QSER1: variants seen among roughly 807,000 people sequenced by gnomAD.
The protein encoded by QSER1 is glutamine and serine-rich protein 1.
Under a neutral mutation model 158.5 loss-of-function variants are expected in QSER1, and 49 were observed. The observed-to-expected ratio is 0.31, with a 90% CI of 0.25 to 0.39. The LOEUF (loss-of-function observed/expected upper bound fraction) is 0.39. Ranked by LOEUF, QSER1 falls within the 10% of genes least tolerant of loss-of-function variation. The probability of loss-of-function intolerance (pLI) is 1.00; values close to 1 mark genes in which losing one functional copy is unlikely to be tolerated. For missense variants in QSER1, 1,754 were observed against 2,010.3 expected, an observed-to-expected ratio of 0.87 and a Z score of 2.44; for synonymous variants, 650 against 715.5, an observed-to-expected ratio of 0.91 and a Z score of 1.46.
At chr11:32,975,646 GTGTATGATGATCT>G in intron 12 of QSER1, 3 of 1,201,920 alleles carry the variant, frequency 2.5e-6, no homozygotes, top group Non-Finnish European at 3.1e-6. Context: ...TTCTCTCACA[GTGTATGATGATCT>G]TGCTTTAATT....
chr11:32,928,236 T>A, intron 3 of QSER1, 113 bp downstream of exon 3: 1 of 675,406 alleles, frequency 1.5e-6, no homozygotes, highest in Non-Finnish European at 2.5e-6. Context: ...GATTTTCCAC[T>A]GAACTTTAAG....
intron 8 of QSER1, among the ~76,000 whole-genome samples, chr11:32,959,062 A>G (rs1321455695): frequency 6.6e-6 from 1 of 152,246 alleles, no homozygotes; most frequent in Admixed American, 6.5e-5. Context: ...ATACCAGCAC[A>G]CAAAGCATGG....
chr11:32,956,248 G>A, intron 7 of QSER1, 127 bp downstream of exon 7: 1 of 762,618 alleles, frequency 1.3e-6, no homozygotes, highest in Non-Finnish European at 2.1e-6. Context: ...AAATTTCAGT[G>A]CCTGATGAAA....
chr11:32,922,068 C>T lies in QSER1; in HGVS notation c.210-5089C>T, dbSNP rs185866557. ...TGAAATTTTAAAAATGAGTATCAACCTTTTACACCACGTATAAAAAATTAA... is the reference window on the plus strand; with the variant it reads ...TGAAATTTTAAAAATGAGTATCAACTTTTTACACCACGTATAAAAAATTAA... On this transcript the variant is annotated intron_variant, in intron 1 of 12. Transcript: ENST00000650167. Among the ~76,000 whole-genome samples, 13 of 152,218 alleles carry T rather than the reference C, an allele frequency of 8.5e-5. No individual in the cohort carries two copies. In the East Asian group the frequency reaches 2.5e-3, roughly 29 times the overall value.
At chr11:32,955,240 A>G (rs1025553911) in intron 5 of QSER1, 56 bp from the exon 6 acceptor site, 2 of 949,522 alleles carry the variant, frequency 2.1e-6, no homozygotes, top group Non-Finnish European at 3.2e-6. Flanking sequence ...CTAATATTCT[A>G]AGATCTAAAA....
chr11:32,949,952 T>C (rs1852395253), intron 4 of QSER1, among the ~76,000 whole-genome samples: 1 of 152,210 alleles, frequency 6.6e-6, no homozygotes, highest in Admixed American at 6.5e-5. Context: ...CCTCAGGCCC[T>C]GCTTTGGTTT....
Position 32,933,145 on chromosome 11 carries a change from A to G in QSER1, c.1887A>G (p.Gln629=), listed in dbSNP as rs1852079616. ...ATTATATTTCTATGCATTCTTCCCA[A>G]AATGTTCAGACTCAAGAGTCATCAT... ...TQNYISMHSS[Q]NVQTQESSSP... The change falls in exon 4 of 13, where the codon CAA becomes CAG. Residue 629 remains glutamine (Q), a synonymous_variant. Coordinates refer to ENST00000650167, the MANE Select transcript of QSER1 (RefSeq NM_001076786.3). 2 of 1,613,148 alleles carry G rather than the reference A, an allele frequency of 1.2e-6. No homozygotes were observed. Among genetic ancestry groups the G allele is most frequent in the African/African-American group, 1.3e-5 (1 of 74,832 alleles).
intron 1 of QSER1, among the ~76,000 whole-genome samples, chr11:32,911,187 A>G (rs1354045704): frequency 4.6e-5 from 7 of 151,932 alleles, no homozygotes; most frequent in Non-Finnish European, 8.8e-5. Context: ...CTCTTCCTCT[A>G]CCTTTCCCTT....
chr11:32,944,655 A>T (rs1454749616), intron 4 of QSER1, among the ~76,000 whole-genome samples: 94 of 139,472 alleles, frequency 6.7e-4, no homozygotes, highest in African/African-American at 2.5e-3. Context: ...TTTACTTCCA[A>T]GTATGTGGTC....
At chr11:32,929,745 T>A (rs1047120724) in intron 3 of QSER1, among the ~76,000 whole-genome samples, 1 of 152,218 alleles carries the variant, frequency 6.6e-6, no homozygotes, top group Admixed American at 6.5e-5. Flanking sequence ...GATCATTAGA[T>A]GCATTTCAAA....
chr11:32,909,806 G>T (rs1354874703), intron 1 of QSER1, among the ~76,000 whole-genome samples: 1 of 152,120 alleles, frequency 6.6e-6, no homozygotes, highest in Admixed American at 6.5e-5. Context: ...AGCTACTTGG[G>T]AGTCGTGTGT....
chr11:32,964,717 C>CATATATATATATATATAT (rs375985842), intron 8 of QSER1, among the ~76,000 whole-genome samples: 13 of 64,242 alleles, frequency 2.0e-4, no homozygotes, highest in African/African-American at 6.3e-4. Flanking sequence ...AAAAAAACAC[C>CATATATATATATATATAT]ATATATATAT....
chr11:32,905,238 C>G (rs1202541094), intron 1 of QSER1, among the ~76,000 whole-genome samples: 1 of 152,188 alleles, frequency 6.6e-6, no homozygotes, highest in Non-Finnish European at 1.5e-5. Flanking sequence ...GTTTAAGTAA[C>G]TTGAGACCAG....
intron 4 of QSER1, among the ~76,000 whole-genome samples, chr11:32,951,830 T>G (rs1852427224): frequency 7.6e-6 from 1 of 132,232 alleles, no homozygotes; most frequent in African/African-American, 2.7e-5. Context: ...TTTAGTATAT[T>G]CCTTGGGATT....
intron 10 of QSER1, among the ~76,000 whole-genome samples, chr11:32,972,062 C>CA (rs60529699): frequency 0.032 from 3,520 of 110,478 alleles, 96 homozygotes; most frequent in African/African-American, 0.087. Flanking sequence ...GACTCCATCT[C>CA]AAAAAAAAAA....
chr11:32,893,420 A>C lies in QSER1; in HGVS notation c.209+86A>C, dbSNP rs1851510943. The C allele has an allele frequency of 6.6e-6, 1 of 152,300 alleles. No homozygotes were observed. Among genetic ancestry groups the C allele is most frequent in the African/African-American group, 2.4e-5 (1 of 41,454 alleles). The allele number at this position is 152,300 out of a possible 1,614,324, so 9.4% of individuals were successfully genotyped here. Reference sequence around the variant, plus strand: ...CCTTCGCTCGGTTGCAGCGCCGCCCAGAGGTCTGGGCCGGGCGGGGAGCCC... The same window carrying C: ...CCTTCGCTCGGTTGCAGCGCCGCCCCGAGGTCTGGGCCGGGCGGGGAGCCC... On this transcript the variant is annotated intron_variant, in intron 1 of 12. Coordinates refer to ENST00000650167, the MANE Select transcript of QSER1 (RefSeq NM_001076786.3). The surrounding 1 kb of genome is among the most constrained non-coding windows in gnomAD (Gnocchi z 4.7).
intron 1 of QSER1, among the ~76,000 whole-genome samples, chr11:32,916,769 T>G (rs1851835857): frequency 7.4e-6 from 1 of 134,532 alleles, no homozygotes; most frequent in Non-Finnish European, 1.6e-5. Context: ...ATTGTTATGT[T>G]GGGCATGACT....
chr11:32,933,983 G>T lies in QSER1; in HGVS notation c.2725G>T (p.Asp909Tyr). ...MEGHVIQSNG[D>Y]HSQQQLHPQN... ...AGGTCATGTTATTCAAAGCAATGGT[G>T]ATCATTCTCAGCAGCAACTCCATCC... Residue 909 changes from aspartate (D) to tyrosine (Y), a missense_variant, in exon 4 of 13, where the codon GAT (aspartate) becomes TAT (tyrosine). This residue lies in a region of QSER1 where 1,707 missense variants were observed against 1,919.6 expected (regional missense o/e 0.89). Transcript: ENST00000650167. 1.2e-6 allele frequency: 2 copies of T among 1,613,856 alleles called. No individual in the cohort carries two copies.
intron 12 of QSER1, chr11:32,975,695 C>G (rs918504761): frequency 5.4e-6 from 6 of 1,109,464 alleles, no homozygotes; most frequent in African/African-American, 1.7e-5. Flanking sequence ...TTTGACATCT[C>G]ACTGCCTTAC....
Sources: allele counts gnomAD v4.1 joint callset (sites outside exome capture counted in the v4.1 genomes callset), GRCh38; gene constraint gnomAD v4.1.1; regional missense constraint gnomAD v4.1.1; non-coding constraint Gnocchi (gnomAD v3.1); transcripts MANE v1.5; gene names NCBI Gene and HGNC (gene_info 2026-07-23, HGNC 2026-07-21).